TAFA5: variants seen among roughly 807,000 people sequenced by gnomAD.
The protein encoded by TAFA5 is TAFA chemokine like family member 5.
TAFA5 carries 6 observed loss-of-function variants against 15.3 expected under a neutral mutation model. The observed-to-expected ratio is 0.39, with a 90% CI of 0.21 to 0.77. The LOEUF (loss-of-function observed/expected upper bound fraction) is 0.77, where lower values mean the gene tolerates loss of function less well. TAFA5 is among the 30% of genes least tolerant of loss of function. The pLI is 0.41. For synonymous variants in TAFA5, 103 were observed against 80.7 expected (o/e 1.28, Z -1.48); for missense variants, 161 against 193.1 (o/e 0.83, Z 0.98).
intron 1 of TAFA5, among the ~76,000 whole-genome samples, chr22:48,523,082 G>C (rs1347792863): frequency 1.3e-5 from 2 of 152,202 alleles, no homozygotes; most frequent in Non-Finnish European, 1.5e-5. Context: ...GGCTGGATGG[G>C]GGCGGCCAGG....
chr22:48,627,632 T>G (rs1926072017), intron 1 of TAFA5, among the ~76,000 whole-genome samples: 1 of 152,236 alleles, frequency 6.6e-6, no homozygotes, highest in African/African-American at 2.4e-5. Context: ...GCCTCTGTCG[T>G]GGGAGGCCCA....
At chr22:48,579,461 A>G (rs1462516449) in intron 1 of TAFA5, among the ~76,000 whole-genome samples, 5 of 151,640 alleles carry the variant, frequency 3.3e-5, no homozygotes, top group Admixed American at 3.3e-4. Flanking sequence ...GGGTGTAGTT[A>G]AAGTGGGGGA....
chr22:48,517,976 A>G (rs1470750817), intron 1 of TAFA5, among the ~76,000 whole-genome samples: 2 of 152,166 alleles, frequency 1.3e-5, no homozygotes, highest in Non-Finnish European at 2.9e-5. Flanking sequence ...ATTAAGAAAT[A>G]GCAGCAGGCT....
intron 2 of TAFA5, among the ~76,000 whole-genome samples, chr22:48,667,752 A>G (rs12484220): frequency 0.75 from 59,144 of 78,520 alleles, 22,543 homozygotes; most frequent in East Asian, 0.92. Context: ...CCCAGCACTC[A>G]GGGCCGCGTC....
chr22:48,572,882 C>G (rs1329048695), intron 1 of TAFA5, among the ~76,000 whole-genome samples: 3 of 152,186 alleles, frequency 2.0e-5, no homozygotes, highest in African/African-American at 7.2e-5. Flanking sequence ...AATACCTGTG[C>G]TTTTTGTTGG....
chr22:48,728,760 C>G (rs1048400467), intron 3 of TAFA5, among the ~76,000 whole-genome samples: 1 of 152,118 alleles, frequency 6.6e-6, no homozygotes, highest in Non-Finnish European at 1.5e-5. Flanking sequence ...GAGAAAACAG[C>G]TGGTAAAGCT....
At chr22:48,542,650 G>GTGTGTGTGTGGT (rs1555886630) in intron 1 of TAFA5, among the ~76,000 whole-genome samples, 1 of 54,270 alleles carries the variant, frequency 1.8e-5, no homozygotes, top group Admixed American at 1.9e-4. Flanking sequence ...GTGTGTGTGT[G>GTGTGTGTGTGGT]GTGTGTGTGT....
At chr22:48,511,421 G>C (rs1428607961) in intron 1 of TAFA5, among the ~76,000 whole-genome samples, 1 of 152,098 alleles carries the variant, frequency 6.6e-6, no homozygotes, top group Admixed American at 6.5e-5. Flanking sequence ...AGGGAGAAGC[G>C]TGATGTGGCT....
intron 3 of TAFA5, among the ~76,000 whole-genome samples, chr22:48,740,003 G>A (rs759053434): frequency 2.6e-5 from 4 of 152,158 alleles, no homozygotes; most frequent in Non-Finnish European, 4.4e-5. Flanking sequence ...AGTCTGATCG[G>A]TGTCCGGATG....
intron 2 of TAFA5, among the ~76,000 whole-genome samples, chr22:48,649,782 C>T (rs1434218583): frequency 2.0e-5 from 3 of 152,136 alleles, no homozygotes; most frequent in Admixed American, 6.5e-5. Context: ...AGGGGGAGAG[C>T]GGTGCCCTGC....
chr22:48,567,317 G>A (rs760408506), intron 1 of TAFA5, among the ~76,000 whole-genome samples: 11 of 150,968 alleles, frequency 7.3e-5, no homozygotes, highest in Non-Finnish European at 1.5e-4. Flanking sequence ...ATCTGTTTCC[G>A]AGGACTGCGG....
chr22:48,584,520 T>C (rs1286034471), intron 1 of TAFA5, among the ~76,000 whole-genome samples: 85 of 100,318 alleles, frequency 8.5e-4, no homozygotes, highest in South Asian at 6.6e-4. Context: ...CACACACACA[T>C]ACACACCACA....
In TAFA5 at chr22:48,742,353, G is replaced by A. The variant is rs1930204530; in HGVS notation, c.391-7486G>A. Among the ~76,000 whole-genome samples, 1 of 152,260 alleles carries A rather than the reference G, an allele frequency of 6.6e-6. No individual in the cohort carries two copies. The highest frequency in any genetic ancestry group is 1.5e-5 in the Non-Finnish European group (1 of 68,044). On this transcript the variant is annotated intron_variant, in intron 3 of 3. Transcript: ENST00000402357. The surrounding 1 kb of genome is among the most constrained non-coding windows in gnomAD (Gnocchi z 6.2). ...GTTGAGAAACCTGCTTCACAGCGGA[G>A]GACACAGACAGCAGAGTCAAGCACA...
intron 1 of TAFA5, among the ~76,000 whole-genome samples, chr22:48,501,747 G>A (rs1258903891): frequency 1.3e-5 from 2 of 152,192 alleles, no homozygotes; most frequent in African/African-American, 4.8e-5. Context: ...CAGGGGTGTG[G>A]CGGAGTGAGG....
intron 1 of TAFA5, among the ~76,000 whole-genome samples, chr22:48,589,378 C>T (rs185955078): frequency 2.2e-4 from 33 of 152,144 alleles, no homozygotes; most frequent in African/African-American, 7.0e-4. Context: ...TCCCCAAAGA[C>T]AGAGCCACCT....
chr22:48,576,890 G>A (rs1923830838), intron 1 of TAFA5, among the ~76,000 whole-genome samples: 1 of 151,920 alleles, frequency 6.6e-6, no homozygotes, highest in South Asian at 2.1e-4. Flanking sequence ...GCCCCACTGG[G>A]CTCGGTGGCA....
intron 1 of TAFA5, among the ~76,000 whole-genome samples, chr22:48,495,416 CCT>C (rs1427413646): frequency 3.9e-5 from 6 of 152,122 alleles, no homozygotes; most frequent in African/African-American, 1.4e-4. Context: ...GGGCTAGGCC[CCT>C]GTGTTCTGGT....
At chr22:48,701,518 T>C (rs1928905869) in intron 2 of TAFA5, among the ~76,000 whole-genome samples, 2 of 152,148 alleles carry the variant, frequency 1.3e-5, no homozygotes, top group African/African-American at 4.8e-5. Flanking sequence ...CCCAGGCCTT[T>C]GTGTAGATGG....
intron 2 of TAFA5, among the ~76,000 whole-genome samples, chr22:48,648,064 G>A (rs1740187323): frequency 6.6e-6 from 1 of 152,188 alleles, no homozygotes; most frequent in Admixed American, 6.5e-5. Flanking sequence ...TCGCTGGCCA[G>A]TGGCCCCTCC....
Sources: allele counts gnomAD v4.1 joint callset (sites outside exome capture counted in the v4.1 genomes callset), GRCh38; gene constraint gnomAD v4.1.1; non-coding constraint Gnocchi (gnomAD v3.1); transcripts MANE v1.5; gene names NCBI Gene and HGNC (gene_info 2026-07-23, HGNC 2026-07-21).